Variants in ABTB3 observed in about 807,000 individuals in gnomAD.
ABTB3 encodes the protein ankyrin repeat- and BTB/POZ domain-containing protein 3.
the ABTB3 span, chr12:107,649,484 G>A: frequency 1.8e-6 from 1 of 559,792 alleles, no homozygotes; most frequent in South Asian, 2.2e-5. Context: ...CTGGCAGGCT[G>A]GGGTGCTAGT....
At chr12:107,465,374 A>T in the ABTB3 span, among the ~76,000 whole-genome samples, 6 of 152,038 alleles carry the variant, frequency 3.9e-5, no homozygotes, top group Non-Finnish European at 8.8e-5. Flanking sequence ...CAGGGTCCCT[A>T]GCTCTGCTCT....
At chr12:107,491,625 C>A in the ABTB3 span, among the ~76,000 whole-genome samples, 1 of 152,054 alleles carries the variant, frequency 6.6e-6, no homozygotes, top group Non-Finnish European at 1.5e-5. Context: ...GAGTTTGAGA[C>A]CAGCCTGGCC....
chr12:107,587,218 T>A, the ABTB3 span, among the ~76,000 whole-genome samples: 1 of 152,172 alleles, frequency 6.6e-6, no homozygotes, highest in Non-Finnish European at 1.5e-5. Flanking sequence ...TTTGGCAGTA[T>A]CCTGCAGGGG....
chr12:107,612,848 C>T, the ABTB3 span: 119 of 1,613,602 alleles, frequency 7.4e-5, no homozygotes, highest in Non-Finnish European at 8.6e-5. Flanking sequence ...TGCTGGATGC[C>T]GGAGCTGACC....
At chr12:107,599,994 C>T in the ABTB3 span, among the ~76,000 whole-genome samples, 1 of 152,160 alleles carries the variant, frequency 6.6e-6, no homozygotes, top group African/African-American at 2.4e-5. Flanking sequence ...CATTCACCCA[C>T]AAACACAGGT....
At chr12:107,438,214 T>C in the ABTB3 span, among the ~76,000 whole-genome samples, 1 of 152,156 alleles carries the variant, frequency 6.6e-6, no homozygotes, top group Non-Finnish European at 1.5e-5. Flanking sequence ...TGATGTTCTT[T>C]TCTGGAAATG....
chr12:107,565,792 G>A, the ABTB3 span, among the ~76,000 whole-genome samples: 4 of 152,160 alleles, frequency 2.6e-5, no homozygotes, highest in Non-Finnish European at 5.9e-5. Flanking sequence ...AATTAGACAA[G>A]TAGGCAGGCA....
At chr12:107,485,343 C>A in the ABTB3 span, among the ~76,000 whole-genome samples, 3 of 152,300 alleles carry the variant, frequency 2.0e-5, no homozygotes, top group African/African-American at 7.2e-5. Context: ...CCTGCCTGCA[C>A]CTCAGGACCC....
the ABTB3 span, among the ~76,000 whole-genome samples, chr12:107,528,253 T>C: frequency 6.6e-6 from 1 of 152,200 alleles, no homozygotes. Context: ...CTGGAAATGA[T>C]AGTAGGTGAT....
the ABTB3 span, among the ~76,000 whole-genome samples, chr12:107,528,827 T>C: frequency 1.3e-5 from 2 of 150,954 alleles, no homozygotes; most frequent in Admixed American, 6.6e-5. Flanking sequence ...ACGGTGGTCA[T>C]GGTGATGATG....
chr12:107,440,687 T>A, the ABTB3 span, among the ~76,000 whole-genome samples: 1 of 152,034 alleles, frequency 6.6e-6, no homozygotes, highest in Non-Finnish European at 1.5e-5. Context: ...ACCAGGAACC[T>A]ACGTGTCACA....
chr12:107,614,946 C>A, the ABTB3 span: 2 of 821,556 alleles, frequency 2.4e-6, no homozygotes, highest in Admixed American at 2.3e-5. Flanking sequence ...GAGGCATCTT[C>A]CAGGATGTCT....
At chr12:107,594,066 T>G in the ABTB3 span, among the ~76,000 whole-genome samples, 1 of 152,216 alleles carries the variant, frequency 6.6e-6, no homozygotes, top group Non-Finnish European at 1.5e-5. Context: ...AAACAGTCTC[T>G]GCCAGAGGGG....
At chr12:107,564,422 CA>C in the ABTB3 span, among the ~76,000 whole-genome samples, 1 of 152,160 alleles carries the variant, frequency 6.6e-6, no homozygotes, top group African/African-American at 2.4e-5. Context: ...TGCAGCTTCG[CA>C]TTATTTAAAA....
At chr12:107,608,945 ATAAAATAAAAT>A in the ABTB3 span, among the ~76,000 whole-genome samples, 1,888 of 81,688 alleles carry the variant, frequency 0.023, 112 homozygotes, top group African/African-American at 0.099. Flanking sequence ...AATAAAATAA[ATAAAATAAAAT>A]ATAAAATAAA....
chr12:107,491,695 C>T, the ABTB3 span, among the ~76,000 whole-genome samples: 5 of 152,168 alleles, frequency 3.3e-5, no homozygotes, highest in East Asian at 1.9e-4. Context: ...TGGTGGCATG[C>T]GCCTGTAGTC....
At chr12:107,626,259 A>G in the ABTB3 span, among the ~76,000 whole-genome samples, 1 of 152,088 alleles carries the variant, frequency 6.6e-6, no homozygotes, top group African/African-American at 2.4e-5. Flanking sequence ...GGGTTAGGGA[A>G]AAGTATGTCT....
the ABTB3 span, among the ~76,000 whole-genome samples, chr12:107,507,700 G>C: frequency 6.6e-6 from 1 of 152,066 alleles, no homozygotes; most frequent in Non-Finnish European, 1.5e-5. Context: ...TCCCCACAAT[G>C]CACCATGAGT....
the ABTB3 span, among the ~76,000 whole-genome samples, chr12:107,489,828 T>C: frequency 8.5e-5 from 13 of 152,132 alleles, no homozygotes; most frequent in South Asian, 2.5e-3. Flanking sequence ...AGTGTTACCA[T>C]TATGGCTCAC....
Sources: gnomAD v4.1 joint callset for allele counts (sites outside exome capture counted in the v4.1 genomes callset) on GRCh38, gnomAD v4.1.1 for gene constraint, MANE v1.5 for transcripts, NCBI Gene and HGNC (gene_info 2026-07-23, HGNC 2026-07-21) for gene names.